ZNF610: variants seen among roughly 807,000 people sequenced by gnomAD.
The protein encoded by ZNF610 is zinc finger protein 610.
A neutral mutation model predicts 14.1 loss-of-function variants in ZNF610; 14 were observed. The observed-to-expected ratio is 0.99, with a 90% CI of 0.65 to 1.55. The LOEUF (loss-of-function observed/expected upper bound fraction) is 1.55. ZNF610 is among the 40% of genes most tolerant of loss of function. The pLI is 0.00. For synonymous variants in ZNF610, 185 were observed against 187.6 expected (o/e 0.99, Z 0.11); for missense variants, 530 against 558.0 (o/e 0.95, Z 0.51).
intron 3 of ZNF610, among the ~76,000 whole-genome samples, chr19:52,352,373 G>A (rs1402707562): frequency 6.6e-6 from 1 of 152,006 alleles, no homozygotes; most frequent in Non-Finnish European, 1.5e-5. Context: ...TGAGTAGCTG[G>A]GATTACAGGC....
chr19:52,332,100 T>A (rs1984229145), upstream of ZNF610, among the ~76,000 whole-genome samples: 1 of 152,194 alleles, frequency 6.6e-6, no homozygotes, highest in Admixed American at 6.5e-5. The surrounding 1 kb of genome is among the most constrained non-coding windows in gnomAD (Gnocchi z 4.1). Context: ...GGATATAAGG[T>A]CAGTGCCCTA....
Position 52,367,496 on chromosome 19 carries a change from G to A in ZNF610, c.*729G>A, listed in dbSNP as rs573460691. On this transcript the variant is annotated 3_prime_UTR_variant, in exon 6 of 6. Transcript: ENST00000403906. ...GCGTTGTTTAATCTTACCTCAGGAG[G>A]ATACTTTATAGTAGAGAATAATAAC... is the stretch of plus-strand genomic sequence containing the variant. 6.6e-6 allele frequency: 1 copy of A among 152,188 alleles called. No homozygotes were observed. The highest frequency in any genetic ancestry group is 1.5e-5 in the Non-Finnish European group (1 of 68,050). The allele number at this position is 152,188 out of a possible 1,614,324, so 9.4% of individuals were successfully genotyped here. A position where few individuals can be genotyped will look rare whatever the true frequency, so the allele number is the denominator to read the frequency against.
At chr19:52,338,983 A>T (rs917164885) in intron 1 of ZNF610, among the ~76,000 whole-genome samples, 1 of 151,892 alleles carries the variant, frequency 6.6e-6, no homozygotes, top group Non-Finnish European at 1.5e-5. Flanking sequence ...ACCATCTCGG[A>T]GAGGGGGATG....
intron 1 of ZNF610, among the ~76,000 whole-genome samples, chr19:52,343,878 T>C (rs1368608898): frequency 6.6e-6 from 1 of 152,108 alleles, no homozygotes; most frequent in African/African-American, 2.4e-5. Context: ...CAGCCTCTGG[T>C]CTCACAGTGC....
At position 52,347,926 on chromosome 19, in the gene ZNF610, C is replaced by G. The variant is rs1443236065; in HGVS notation, c.-38C>G. 1 of 152,206 alleles carries G rather than the reference C, an allele frequency of 6.6e-6. No individual in the cohort carries two copies. Among genetic ancestry groups the G allele is most frequent in the African/African-American group, 2.4e-5 (1 of 41,452 alleles). 9.4% of individuals were successfully genotyped at this position (152,206 alleles called of 1,614,324 possible). A position where few individuals can be genotyped will look rare whatever the true frequency, so the allele number is the denominator to read the frequency against. ...TGACTCATCCAGAGCAATTTCTAGT[C>G]CTGCAAGCGCCATTCATGGTGAGTG... On this transcript the variant is annotated 5_prime_UTR_variant, in exon 2 of 6. Transcript: ENST00000403906.
intron 5 of ZNF610, among the ~76,000 whole-genome samples, chr19:52,355,354 C>T (rs1985474862): frequency 6.6e-6 from 1 of 152,130 alleles, no homozygotes; most frequent in Admixed American, 6.5e-5. Flanking sequence ...TGCATCTGGG[C>T]CCTGGAAACT....
At position 52,366,953 on chromosome 19, in the gene ZNF610, T is replaced by C; in HGVS notation, c.*186T>C. 1.8e-6 allele frequency: 1 copy of C among 565,384 alleles called. No homozygotes were observed. 35.0% of individuals were successfully genotyped at this position (565,384 alleles called of 1,614,324 possible). Reference sequence around the variant, plus strand: ...AAGTTAATAACATATATAAATAATCTATAAAGAGAGAACAGTTATATCAGA... The same window carrying C: ...AAGTTAATAACATATATAAATAATCCATAAAGAGAGAACAGTTATATCAGA... On this transcript the variant is annotated 3_prime_UTR_variant, in exon 6 of 6. Transcript: ENST00000403906.
chr19:52,362,692 G>A (rs941850312), intron 5 of ZNF610, among the ~76,000 whole-genome samples: 6 of 152,102 alleles, frequency 3.9e-5, no homozygotes, highest in African/African-American at 9.7e-5. Flanking sequence ...TTTTTTAGAT[G>A]TGTTGTTTCA....
At chr19:52,344,309 G>A (rs983690008) in intron 1 of ZNF610, among the ~76,000 whole-genome samples, 4 of 117,976 alleles carry the variant, frequency 3.4e-5, no homozygotes, top group African/African-American at 1.3e-4. Flanking sequence ...TACCTTCTTA[G>A]GATTCTGTGA....
At chr19:52,344,204 A>T (rs549631192) in intron 1 of ZNF610, 1 of 152,448 alleles carries the variant, frequency 6.6e-6, no homozygotes, top group Non-Finnish European at 1.5e-5. Flanking sequence ...CCTGCCTCAG[A>T]GACTTCATCT....
rs1005193573 is a variant in ZNF610, at chr19:52,366,733, G to T, written c.1355G>T (p.Gly452Val). ...HLSRHRKIHA[G>V]ENSLRTLQME ...TCACGACATCGGAAAATTCATGCTG[G>T]AGAGAATTCACTGCGTACCTTACAG... is the stretch of plus-strand genomic sequence containing the variant. The change falls in exon 6 of 6, where the codon GGA becomes GTA. Residue 452 changes from glycine to valine, a missense_variant. Physicochemically the swap from Gly to Val is moderately radical, Grantham distance 109. Coordinates refer to ENST00000403906, the MANE Select transcript of ZNF610 (RefSeq NM_001161425.2). The T allele has an allele frequency of 1.9e-6, 3 of 1,614,044 alleles. No individual in the cohort carries two copies. Among genetic ancestry groups the T allele is most frequent in the Non-Finnish European group, 8.5e-7 (1 of 1,179,924 alleles).
intron 5 of ZNF610, among the ~76,000 whole-genome samples, chr19:52,357,246 G>A (rs890327725): frequency 2.6e-5 from 4 of 152,138 alleles, no homozygotes; most frequent in African/African-American, 9.7e-5. Flanking sequence ...GCCCGGCATG[G>A]TACCTCATAT....
At chr19:52,353,569 G>A (rs554878824) in intron 3 of ZNF610, 113 bp from the exon 4 acceptor site, 157 of 1,189,920 alleles carry the variant, frequency 1.3e-4, no homozygotes, top group Admixed American at 5.0e-4. Flanking sequence ...AAGTTTCTAT[G>A]TTTTTTAATG....
intron 5 of ZNF610, among the ~76,000 whole-genome samples, chr19:52,364,298 T>C (rs930802529): frequency 7.2e-5 from 11 of 152,166 alleles, no homozygotes; most frequent in Non-Finnish European, 1.6e-4. Context: ...TCTTTTTTAA[T>C]TTTTTTCTCA....
At chr19:52,343,394 C>T (rs527504598) in intron 1 of ZNF610, among the ~76,000 whole-genome samples, 1 of 152,114 alleles carries the variant, frequency 6.6e-6, no homozygotes, top group Admixed American at 6.5e-5. Flanking sequence ...GAATGAGACC[C>T]TGTCTCACAA....
chr19:52,367,441 T>TA lies in ZNF610; in HGVS notation c.*675dup, dbSNP rs1986162849. 2 of 152,174 alleles carry TA rather than the reference T, an allele frequency of 1.3e-5. No individual in the cohort carries two copies. The highest frequency in any genetic ancestry group is 6.5e-5 in the Admixed American group (1 of 15,270). 9.4% of individuals were successfully genotyped at this position (152,174 alleles called of 1,614,324 possible). A position where few individuals can be genotyped will look rare whatever the true frequency, so the allele number is the denominator to read the frequency against. On this transcript the variant is annotated 3_prime_UTR_variant, in exon 6 of 6. Coordinates refer to ENST00000403906, the MANE Select transcript of ZNF610 (RefSeq NM_001161425.2). The stretch of plus-strand genomic sequence containing the variant: ...CGCCCGGCCTAGTTTAAATTTTTCT[T>TA]AGTGTGAATGAATTACATCCTTTCT...
intron 5 of ZNF610, among the ~76,000 whole-genome samples, chr19:52,359,111 G>A (rs372604589): frequency 6.6e-6 from 1 of 152,230 alleles, no homozygotes; most frequent in South Asian, 2.1e-4. Flanking sequence ...TTTCAAGTTT[G>A]TTTTGCTATT....
intron 5 of ZNF610, among the ~76,000 whole-genome samples, chr19:52,359,526 A>G (rs962119535): frequency 6.6e-6 from 1 of 152,214 alleles, no homozygotes; most frequent in African/African-American, 2.4e-5. Flanking sequence ...AACCACAGGT[A>G]TGGAAGGCCT....
upstream of ZNF610, chr19:52,336,129 C>G (rs990279971): frequency 6.1e-6 from 1 of 164,358 alleles, no homozygotes; most frequent in Non-Finnish European, 1.3e-5. Context: ...CTGAGCTGCT[C>G]CAGCCTCACT....
Sources: allele counts gnomAD v4.1 joint callset (sites outside exome capture counted in the v4.1 genomes callset), GRCh38; gene constraint gnomAD v4.1.1; non-coding constraint Gnocchi (gnomAD v3.1); transcripts MANE v1.5; gene names NCBI Gene and HGNC (gene_info 2026-07-23, HGNC 2026-07-21).